Variants in PTPRN2 observed in about 807,000 individuals in gnomAD.
The protein encoded by PTPRN2 is protein tyrosine phosphatase receptor type N2, also known as receptor-type tyrosine-protein phosphatase N2.
PTPRN2 carries 74 observed loss-of-function variants against 118.8 expected under a neutral mutation model. That is an observed-to-expected ratio of 0.62 (90% CI 0.52 to 0.76). The LOEUF (loss-of-function observed/expected upper bound fraction) is 0.76. PTPRN2 is among the 30% of genes least tolerant of loss of function. PTPRN2 has a pLI of 0.00. For missense variants in PTPRN2, 1,481 were observed against 1,394.4 expected (o/e 1.06, Z -0.99); for synonymous variants, 641 against 608.0 (o/e 1.05, Z -0.80).
chr7:158,523,136 G>A (rs950277968), intron 1 of PTPRN2, among the ~76,000 whole-genome samples: 8 of 152,146 alleles, frequency 5.3e-5, no homozygotes, highest in Non-Finnish European at 7.3e-5. Context: ...TGACTCTTGG[G>A]GTCCAGGAGG....
Position 157,774,393 on chromosome 7 carries a change from G to A in PTPRN2, c.1789-91456C>T, listed in dbSNP as rs1803065630. 3.9e-5 allele frequency among the ~76,000 whole-genome samples: 6 copies of A among 152,362 alleles called. No homozygotes were observed. In the South Asian group the frequency reaches 1.2e-3, roughly 32 times the overall value. On this transcript the variant is annotated intron_variant, in intron 12 of 22. Transcript: ENST00000389418. Reference sequence around the variant, plus strand: ...GAGCCCAGCATGGCCTGGGCATCATGCCTGTCAAGCCTGGTGAATCCTAGG... The same window carrying A: ...GAGCCCAGCATGGCCTGGGCATCATACCTGTCAAGCCTGGTGAATCCTAGG...
intron 13 of PTPRN2, among the ~76,000 whole-genome samples, chr7:157,658,709 C>T (rs1359438062): frequency 2.6e-5 from 4 of 152,214 alleles, no homozygotes; most frequent in South Asian, 2.1e-4. Flanking sequence ...TAGGATAGCC[C>T]GTCCTATTGC....
At chr7:158,053,017 C>G (rs569859613) in intron 11 of PTPRN2, among the ~76,000 whole-genome samples, 1 of 152,194 alleles carries the variant, frequency 6.6e-6, no homozygotes, top group South Asian at 2.1e-4. Flanking sequence ...TGGCCCCCAT[C>G]GATCCCACCC....
chr7:158,193,905 CAAA>C (rs56234740), intron 4 of PTPRN2, among the ~76,000 whole-genome samples: 58,458 of 123,540 alleles, frequency 0.47, 13,407 homozygotes, highest in African/African-American at 0.62. Flanking sequence ...GGCTCTGTCT[CAAA>C]AAAAAAAAAA....
At chr7:158,470,115 T>C (rs1171359162) in intron 2 of PTPRN2, among the ~76,000 whole-genome samples, 1 of 152,204 alleles carries the variant, frequency 6.6e-6, no homozygotes, top group Non-Finnish European at 1.5e-5. Context: ...CCTGACATGG[T>C]GGAAAATCGT....
At chr7:157,628,255 TTACATAGCA>T (rs1279571686) in intron 14 of PTPRN2, among the ~76,000 whole-genome samples, 1 of 152,216 alleles carries the variant, frequency 6.6e-6, no homozygotes, top group East Asian at 1.9e-4. Context: ...TCACAATGTA[TTACATAGCA>T]CAAATGTCGT....
At position 158,570,748 on chromosome 7, in the gene PTPRN2, C is replaced by T. The variant is rs1282259455; in HGVS notation, c.112+16810G>A. On this transcript the variant is annotated intron_variant, in intron 1 of 22. Transcript: ENST00000389418. The surrounding 1 kb of genome is among the most constrained non-coding windows in gnomAD (Gnocchi z 4.5). ...GGAGAAGCTTGAGCCTGTGAGCCCC[C>T]GTCTCCGACCACGGACTCACCGGGA... Among the ~76,000 whole-genome samples the T allele has an allele frequency of 2.6e-5, 4 of 152,230 alleles. No individual in the cohort carries two copies. The highest frequency in any genetic ancestry group is 4.4e-5 in the Non-Finnish European group (3 of 68,034).
chr7:157,618,603 TGGA>T lies in PTPRN2; in HGVS notation c.2344+2756_2344+2758del, dbSNP rs1004754981. 2 of 152,150 alleles carry T rather than the reference TGGA, an allele frequency of 1.3e-5. No individual in the cohort carries two copies. The highest frequency in any genetic ancestry group is 2.4e-5 in the African/African-American group (1 of 41,418). 9.4% of individuals were successfully genotyped at this position (152,150 alleles called of 1,614,324 possible). A position where few individuals can be genotyped will look rare whatever the true frequency, so the allele number is the denominator to read the frequency against. ...GCCGCAGGTGAGGCAGGAGTGAAGA[TGGA>T]GGAGGCGGCCATCTCTCTGGGGCCT... On this transcript the variant is annotated intron_variant, in intron 15 of 22. Transcript: ENST00000389418. The surrounding 1 kb of genome is among the most constrained non-coding windows in gnomAD (Gnocchi z 4.2).
chr7:158,418,445 TCA>T (rs1418128314), intron 2 of PTPRN2, among the ~76,000 whole-genome samples: 4 of 151,628 alleles, frequency 2.6e-5, no homozygotes, highest in African/African-American at 9.7e-5. Flanking sequence ...GCTGTAGCTC[TCA>T]GTGTCCCGCT....
chr7:158,293,012 G>A (rs1454797308), intron 3 of PTPRN2, among the ~76,000 whole-genome samples: 4 of 152,138 alleles, frequency 2.6e-5, no homozygotes, highest in Admixed American at 1.3e-4. Flanking sequence ...AGGTTGCAGT[G>A]AGTCAAGATC....
intron 11 of PTPRN2, among the ~76,000 whole-genome samples, chr7:158,004,277 C>A (rs1251921860): frequency 6.6e-6 from 1 of 152,164 alleles, no homozygotes; most frequent in East Asian, 1.9e-4. Context: ...CCGCCCACTT[C>A]CTGTGTGGCC....
At chr7:158,181,795 T>G (rs923075529) in intron 5 of PTPRN2, among the ~76,000 whole-genome samples, 3 of 152,238 alleles carry the variant, frequency 2.0e-5, no homozygotes, top group Non-Finnish European at 2.9e-5. Flanking sequence ...GAGCTTATTT[T>G]AATCTTCACT....
chr7:158,007,079 C>T lies in PTPRN2; in HGVS notation c.1723+74219G>A, dbSNP rs150273658. On this transcript the variant is annotated intron_variant, in intron 11 of 22. Transcript: ENST00000389418. ...GCGGGCGGCCGTCTCCTCCTGTGTC[C>T]TCACGTGGCTTCTTCTCCAGTGTCT... Among the ~76,000 whole-genome samples the T allele has an allele frequency of 3.0e-3, 452 of 152,324 alleles. 3 individuals are homozygous for T. The highest frequency in any genetic ancestry group is 0.01 in the African/African-American group (430 of 41,572).
intron 12 of PTPRN2, chr7:157,865,415 C>T (rs925065182): frequency 1.3e-5 from 2 of 152,154 alleles, no homozygotes; most frequent in African/African-American, 2.4e-5. Context: ...GGTGGGTGAC[C>T]CCACCTCACC....
At chr7:157,661,626 G>A (rs984084189) in intron 13 of PTPRN2, among the ~76,000 whole-genome samples, 7 of 141,980 alleles carry the variant, frequency 4.9e-5, no homozygotes, top group African/African-American at 1.7e-4. Flanking sequence ...GTCCTGGGTG[G>A]AGGAGGTTGG....
intron 17 of PTPRN2, among the ~76,000 whole-genome samples, chr7:157,579,509 C>T (rs1035873497): frequency 1.3e-5 from 2 of 152,176 alleles, no homozygotes; most frequent in Non-Finnish European, 2.9e-5. Context: ...AGGAGAAACA[C>T]AGATTTTATG....
chr7:158,375,089 G>A (rs1810397054), intron 2 of PTPRN2, among the ~76,000 whole-genome samples: 1 of 151,758 alleles, frequency 6.6e-6, no homozygotes, highest in Admixed American at 6.5e-5. Flanking sequence ...ATTTCATGGG[G>A]GAAACCAGCT....
chr7:158,027,075 C>T (rs1807328382), intron 11 of PTPRN2, among the ~76,000 whole-genome samples: 1 of 152,228 alleles, frequency 6.6e-6, no homozygotes, highest in Non-Finnish European at 1.5e-5. Flanking sequence ...GCTGACCAGG[C>T]AGGTCCGGGG....
intron 11 of PTPRN2, among the ~76,000 whole-genome samples, chr7:157,917,294 C>A (rs1000680749): frequency 9.2e-5 from 14 of 152,242 alleles, no homozygotes; most frequent in African/African-American, 3.1e-4. Flanking sequence ...CAGCCTGCAA[C>A]GCAGAAGTGC....
Sources: gnomAD v4.1 joint callset for allele counts (sites outside exome capture counted in the v4.1 genomes callset) on GRCh38, gnomAD v4.1.1 for gene constraint, Gnocchi (gnomAD v3.1) non-coding constraint, MANE v1.5 for transcripts, NCBI Gene and HGNC (gene_info 2026-07-23, HGNC 2026-07-21) for gene names.